The following UNC13C variants were observed in gnomAD, a reference collection of about 807,000 sequenced individuals.
The protein encoded by UNC13C is unc-13 homolog C, also known as protein unc-13 homolog C.
UNC13C carries 174 observed loss-of-function variants against 245.4 expected under a neutral mutation model. The ratio of observed to expected loss-of-function variants is 0.71; its 90% CI spans 0.63 to 0.80. The LOEUF is 0.80. UNC13C is among the 30% of genes least tolerant of loss of function. The pLI is 0.00. For synonymous variants in UNC13C, 992 were observed against 895.1 expected (o/e 1.11, Z -1.93); for missense variants, 2,829 against 2,602.9 (o/e 1.09, Z -1.89).
At chr15:54,498,826 C>G (rs529373190) in intron 20 of UNC13C, among the ~76,000 whole-genome samples, 1 of 152,114 alleles carries the variant, frequency 6.6e-6, no homozygotes, top group Admixed American at 6.6e-5. Context: ...CCACATGGAC[C>G]TACAGTTTCA....
At chr15:54,124,346 G>T (rs2030887981) in intron 2 of UNC13C, among the ~76,000 whole-genome samples, 2 of 152,270 alleles carry the variant, frequency 1.3e-5, no homozygotes, top group South Asian at 4.1e-4. Context: ...TATTAAATGT[G>T]TAGAGACATT....
chr15:54,540,293 A>G (rs549425606), intron 26 of UNC13C, among the ~76,000 whole-genome samples: 1 of 152,186 alleles, frequency 6.6e-6, no homozygotes, highest in South Asian at 2.1e-4. Context: ...AAAATGAGGG[A>G]CAGGCATTCC....
chr15:54,084,241 T>C (rs975588644), intron 2 of UNC13C, among the ~76,000 whole-genome samples: 38 of 152,232 alleles, frequency 2.5e-4, no homozygotes, highest in Non-Finnish European at 5.9e-5. Flanking sequence ...TCCCCTTTTT[T>C]CTTCAGTTCT....
intron 4 of UNC13C, among the ~76,000 whole-genome samples, chr15:54,231,589 G>C (rs989915367): frequency 6.6e-6 from 1 of 151,968 alleles, no homozygotes; most frequent in African/African-American, 2.4e-5. Context: ...CATAAGTAAA[G>C]TGCTTAGAAT....
At chr15:53,969,650 C>T in the UNC13C span, among the ~76,000 whole-genome samples, 1,486 of 145,552 alleles carry the variant, frequency 0.01, 29 homozygotes, top group African/African-American at 0.037. Flanking sequence ...TGTGCTATTG[C>T]ACTCCAGCCT....
intron 4 of UNC13C, among the ~76,000 whole-genome samples, chr15:54,185,815 T>TG (rs1335748678): frequency 2.0e-5 from 3 of 150,944 alleles, no homozygotes; most frequent in Non-Finnish European, 4.4e-5. Context: ...AGAAAGTCAC[T>TG]GGTAGCTTGA....
the UNC13C span, among the ~76,000 whole-genome samples, chr15:53,901,283 G>A: frequency 2.6e-4 from 37 of 144,586 alleles, no homozygotes; most frequent in Non-Finnish European, 4.8e-4. Context: ...GCAGTGGCAC[G>A]ATCTCAGCTC....
chr15:54,128,864 G>C (rs2031229056), intron 2 of UNC13C, among the ~76,000 whole-genome samples: 1 of 152,184 alleles, frequency 6.6e-6, no homozygotes, highest in Non-Finnish European at 1.5e-5. Flanking sequence ...TATCAGGGGA[G>C]TAACCTCCTT....
At chr15:53,844,067 G>T in the UNC13C span, among the ~76,000 whole-genome samples, 1 of 152,140 alleles carries the variant, frequency 6.6e-6, no homozygotes, top group Non-Finnish European at 1.5e-5. Context: ...GATAATGGAA[G>T]GTCCCAGCTG....
At chr15:53,872,907 T>C in the UNC13C span, among the ~76,000 whole-genome samples, 6 of 152,218 alleles carry the variant, frequency 3.9e-5, no homozygotes, top group Non-Finnish European at 7.3e-5. Flanking sequence ...ACTGAACTTA[T>C]TGAAATGACA....
chr15:54,017,921 A>G (rs1043655602), intron 2 of UNC13C, among the ~76,000 whole-genome samples: 1 of 152,160 alleles, frequency 6.6e-6, no homozygotes, highest in Middle Eastern at 3.2e-3. Context: ...CCAACTTTGA[A>G]TGGAATCTGT....
At chr15:54,370,426 C>T (rs1165430185) in intron 17 of UNC13C, among the ~76,000 whole-genome samples, 1 of 152,120 alleles carries the variant, frequency 6.6e-6, no homozygotes, top group African/African-American at 2.4e-5. Flanking sequence ...GATTTACTTA[C>T]TTGTCATTAA....
At chr15:53,944,917 C>G in the UNC13C span, among the ~76,000 whole-genome samples, 1 of 152,166 alleles carries the variant, frequency 6.6e-6, no homozygotes, top group Non-Finnish European at 1.5e-5. Flanking sequence ...TGCAACTTTA[C>G]CAGCATCTGT....
chr15:54,462,621 C>T (rs367948177), intron 19 of UNC13C, among the ~76,000 whole-genome samples: 10 of 152,342 alleles, frequency 6.6e-5, no homozygotes, highest in South Asian at 2.1e-4. Flanking sequence ...GAGGGGGCGC[C>T]GGGTCCCCCA....
At chr15:53,929,456 T>C in the UNC13C span, among the ~76,000 whole-genome samples, 28 of 152,334 alleles carry the variant, frequency 1.8e-4, no homozygotes, top group Non-Finnish European at 3.1e-4. Context: ...ACCTCAGTAA[T>C]GTTAAAGCAT....
At chr15:54,567,759 C>A (rs752513395) in intron 29 of UNC13C, 41 bp from the exon 30 acceptor site, 14 of 1,522,026 alleles carry the variant, frequency 9.2e-6, no homozygotes, top group Non-Finnish European at 1.1e-5. Context: ...TCTTCCAATA[C>A]TTCTCTCTAA....
chr15:54,347,634 A>C (rs928498027), intron 17 of UNC13C, among the ~76,000 whole-genome samples: 1 of 152,306 alleles, frequency 6.6e-6, no homozygotes, highest in Admixed American at 6.5e-5. Context: ...ATTTCTCCAA[A>C]TGACTGTGTT....
In UNC13C at chr15:54,281,380, C is replaced by T. The variant is rs2140916928; in HGVS notation, c.3819-12515C>T. Among the ~76,000 whole-genome samples the T allele has an allele frequency of 2.0e-5, 3 of 152,208 alleles. 1 individual carries two copies. The Middle Eastern group carries it at 0.01, about 518-fold the overall frequency. ...TCAAGACACAAATGCTAAGATCTTTCAGAAAAGGACAAAGAAATACTGAAA... is the reference window on the plus strand; with the variant it reads ...TCAAGACACAAATGCTAAGATCTTTTAGAAAAGGACAAAGAAATACTGAAA... On this transcript the variant is annotated intron_variant, in intron 10 of 32. Transcript: ENST00000260323.
chr15:54,194,555 G>A lies in UNC13C; in HGVS notation c.3072-40475G>A, dbSNP rs146611441. ...ATTTGATAATATAGTTTGAGTCTGT[G>A]GATTAAAACAACATGATATAAAACT... On this transcript the variant is annotated intron_variant, in intron 4 of 32. Coordinates refer to ENST00000260323, the MANE Select transcript of UNC13C (RefSeq NM_001080534.3). Among the ~76,000 whole-genome samples, 183 of 152,066 alleles carry A rather than the reference G, an allele frequency of 1.2e-3. 1 individual carries two copies. Among genetic ancestry groups the A allele is most frequent in the Middle Eastern group, 3.4e-3 (1 of 294 alleles).
Sources: allele counts gnomAD v4.1 joint callset (sites outside exome capture counted in the v4.1 genomes callset), GRCh38; gene constraint gnomAD v4.1.1; transcripts MANE v1.5; gene names NCBI Gene and HGNC (gene_info 2026-07-23, HGNC 2026-07-21).